Variants in CDHR3 observed in about 807,000 individuals in gnomAD.
The protein encoded by CDHR3 is cadherin related family member 3.
In CDHR3, 79 loss-of-function variants were observed where a neutral mutation model predicts 86.6. The observed-to-expected ratio is 0.91, with a 90% CI of 0.76 to 1.10. CDHR3 has a LOEUF of 1.10. Among genes scored for constraint, CDHR3 ranks in the 50% least tolerant of loss-of-function variants. The pLI is 0.00. For synonymous variants in CDHR3, 421 were observed against 402.4 expected, an observed-to-expected ratio of 1.05 and a Z score of -0.55; for missense variants, 1,081 against 1,077.6, an observed-to-expected ratio of 1.00 and a Z score of -0.04.
intron 8 of CDHR3, among the ~76,000 whole-genome samples, chr7:106,005,343 T>C (rs773285688): frequency 3.9e-5 from 6 of 152,226 alleles, no homozygotes; most frequent in Non-Finnish European, 8.8e-5. Flanking sequence ...TGATTCTGGG[T>C]TAATAAGCTT....
At chr7:105,980,931 T>G in intron 2 of CDHR3, 37 bp from the exon 3 acceptor site, 1 of 1,566,866 alleles carries the variant, frequency 6.4e-7, no homozygotes, top group Non-Finnish European at 8.7e-7. Context: ...CAGATCTTCT[T>G]TCACATGGTT....
chr7:105,996,147 G>T, intron 5 of CDHR3, 103 bp from the exon 6 acceptor site: 2 of 652,108 alleles, frequency 3.1e-6, no homozygotes, highest in East Asian at 2.8e-5. Flanking sequence ...CACCAAAGGG[G>T]CAGGGTCTGC....
intron 6 of CDHR3, among the ~76,000 whole-genome samples, chr7:105,999,662 C>T (rs1832825094): frequency 6.6e-6 from 1 of 152,224 alleles, no homozygotes; most frequent in African/African-American, 2.4e-5. Flanking sequence ...CAGGTGTCCT[C>T]TCTCTGTCCC....
chr7:106,026,876 G>C (rs754022804), intron 16 of CDHR3, among the ~76,000 whole-genome samples, 181 bp downstream of exon 16: 1 of 152,170 alleles, frequency 6.6e-6, no homozygotes, highest in Non-Finnish European at 1.5e-5. Context: ...GAAGGGTGGG[G>C]GGACAGTGCC....
intron 8 of CDHR3, among the ~76,000 whole-genome samples, chr7:106,009,641 G>T (rs1247759714): frequency 1.3e-5 from 2 of 152,182 alleles, no homozygotes; most frequent in African/African-American, 4.8e-5. Context: ...GAGGAGGGCG[G>T]CGTGGAGGAG....
intron 1 of CDHR3, 105 bp downstream of exon 1, chr7:105,963,469 T>A: frequency 8.3e-7 from 1 of 1,211,050 alleles, no homozygotes; most frequent in Non-Finnish European, 1.2e-6. Context: ...GGGAGGCTTG[T>A]TCAATTGAGG....
chr7:105,998,284 G>A (rs1432838840), intron 6 of CDHR3, among the ~76,000 whole-genome samples: 1 of 152,196 alleles, frequency 6.6e-6, no homozygotes, highest in Admixed American at 6.5e-5. Context: ...CTGAGTTTGA[G>A]CCTGAAATAC....
intron 2 of CDHR3, among the ~76,000 whole-genome samples, chr7:105,976,909 A>T (rs1828901124): frequency 6.6e-6 from 1 of 151,616 alleles, no homozygotes; most frequent in East Asian, 1.9e-4. Flanking sequence ...GGTCTACAGC[A>T]TTTAGTGATG....
intron 4 of CDHR3, among the ~76,000 whole-genome samples, chr7:105,993,058 C>T (rs1831601348): frequency 6.6e-6 from 1 of 152,176 alleles, no homozygotes; most frequent in Non-Finnish European, 1.5e-5. Flanking sequence ...GGTTGGAAAC[C>T]TTGGCAGGTG....
intron 3 of CDHR3, among the ~76,000 whole-genome samples, chr7:105,982,886 G>A (rs1829977202): frequency 6.6e-6 from 1 of 151,812 alleles, no homozygotes; most frequent in Non-Finnish European, 1.5e-5. Context: ...AGGAGGCTGA[G>A]GTGGGAGGAT....
intron 15 of CDHR3, among the ~76,000 whole-genome samples, chr7:106,025,868 A>AT (rs201951159): frequency 2.1e-3 from 320 of 152,270 alleles, no homozygotes; most frequent in African/African-American, 6.3e-3. Context: ...TCACAAATTG[A>AT]TTTTTTTAAA....
chr7:105,983,473 A>C (rs1439328259), intron 3 of CDHR3, among the ~76,000 whole-genome samples: 2 of 152,264 alleles, frequency 1.3e-5, no homozygotes, highest in Non-Finnish European at 2.9e-5. Context: ...TATGAAGATG[A>C]AAATAGAAAA....
intron 18 of CDHR3, among the ~76,000 whole-genome samples, chr7:106,031,536 G>A (rs1417970261): frequency 6.6e-6 from 1 of 152,256 alleles, no homozygotes; most frequent in African/African-American, 2.4e-5. Context: ...CTCCTCCTAA[G>A]GAGGATGGCT....
At chr7:105,969,146 C>T (rs1827485718) in intron 1 of CDHR3, among the ~76,000 whole-genome samples, 1 of 150,246 alleles carries the variant, frequency 6.7e-6, no homozygotes, top group East Asian at 2.0e-4. Flanking sequence ...CCTGTAATCC[C>T]AGCACTTTGG....
At chr7:106,031,612 T>C (rs1301430983) in intron 18 of CDHR3, among the ~76,000 whole-genome samples, 1 of 152,178 alleles carries the variant, frequency 6.6e-6, no homozygotes, top group Non-Finnish European at 1.5e-5. Flanking sequence ...CCTCTATTAT[T>C]AGGTGCTTGT....
Position 106,015,095 on chromosome 7 carries a change from C to T in CDHR3, c.1225-16C>T, listed in dbSNP as rs1410208235. The T allele has an allele frequency of 3.8e-6, 6 of 1,569,312 alleles. No homozygotes were observed. The highest frequency in any genetic ancestry group is 5.2e-6 in the Non-Finnish European group (6 of 1,149,268). ...TTGTTTAATCTGTATAATCTACTAT[C>T]TCTGTTTTAATCTAGCTGATTGGTG... On this transcript the variant is annotated splice_polypyrimidine_tract_variant and intron_variant, in intron 9 of 18. Transcript: ENST00000317716.
intron 3 of CDHR3, among the ~76,000 whole-genome samples, chr7:105,982,481 G>GA (rs1224349907): frequency 1.9e-3 from 209 of 108,388 alleles, no homozygotes; most frequent in Middle Eastern, 4.5e-3. Flanking sequence ...AAAAAAAAAA[G>GA]AAAAAAAAAA....
intron 6 of CDHR3, among the ~76,000 whole-genome samples, chr7:105,999,927 AG>A (rs1015939290): frequency 3.3e-5 from 5 of 152,182 alleles, no homozygotes; most frequent in African/African-American, 9.7e-5. Context: ...CTTTTTTGGA[AG>A]TTAACAGAAC....
rs11505884 is a variant in CDHR3, at chr7:106,023,066, G to A, written c.2076+618G>A. On this transcript the variant is annotated intron_variant, in intron 14 of 18. Transcript: ENST00000317716. ...ATAGGCGAGTGATTCTCTAAGTGCG[G>A]TCCCTAGACCATCAGAATCAGCACC... is the stretch of plus-strand genomic sequence containing the variant. 2.0e-3 allele frequency among the ~76,000 whole-genome samples: 297 copies of A among 152,264 alleles called. 1 individual carries two copies. The highest frequency in any genetic ancestry group is 6.9e-3 in the African/African-American group (286 of 41,536).
Sources: gnomAD v4.1 joint callset for allele counts (sites outside exome capture counted in the v4.1 genomes callset) on GRCh38, gnomAD v4.1.1 for gene constraint, MANE v1.5 for transcripts, NCBI Gene and HGNC (gene_info 2026-07-23, HGNC 2026-07-21) for gene names.